Variants in PLAA observed in about 807,000 individuals in gnomAD.
PLAA encodes the protein phospholipase A2 activating protein, also known as phospholipase A-2-activating protein.
Under a neutral mutation model 84.1 loss-of-function variants are expected in PLAA, and 48 were observed. The ratio of observed to expected loss-of-function variants is 0.57; its 90% CI spans 0.45 to 0.73. The LOEUF (loss-of-function observed/expected upper bound fraction) is 0.73. Ranked by LOEUF, PLAA falls within the 30% of genes least tolerant of loss-of-function variation. The pLI, the probability that PLAA is intolerant of heterozygous loss-of-function variation, is 0.00. For synonymous variants in PLAA, 392 were observed against 336.6 expected (o/e 1.16, Z -1.80); for missense variants, 903 against 954.7 (o/e 0.95, Z 0.71).
chr9:26,942,877 C>CACAAA (rs1348896000), intron 1 of PLAA, among the ~76,000 whole-genome samples: 2 of 51,360 alleles, frequency 3.9e-5, no homozygotes, highest in East Asian at 9.5e-4. Context: ...AGACTCGTCT[C>CACAAA]AAAAAAAAAA....
Position 26,905,629 on chromosome 9 carries a change from G to A in PLAA, c.2270C>T (p.Ser757Leu), listed in dbSNP as rs1165140719. 1 of 1,613,908 alleles carries A rather than the reference G, an allele frequency of 6.2e-7. No homozygotes were observed. The highest frequency in any genetic ancestry group is 8.5e-7 in the Non-Finnish European group (1 of 1,179,922). ...VALGTLISDD[S>L]NAVQLAKSLG... ...AGACTTGGCTAATTGTACAGCATTT[G>A]AATCATCACTGATAAGTGTTCCAAG... Residue 757 changes from serine (S) to leucine (L), a missense_variant, in exon 14 of 14, where the codon TCA (serine) becomes TTA (leucine). By Grantham distance (145) the Ser-to-Leu change is moderately radical. Coordinates refer to ENST00000397292, the MANE Select transcript of PLAA (RefSeq NM_001031689.3).
At chr9:26,908,050 AATAT>A in intron 12 of PLAA, 52 bp from the exon 13 acceptor site, 1 of 1,370,002 alleles carries the variant, frequency 7.3e-7, no homozygotes, top group Non-Finnish European at 1.0e-6. Context: ...TTGGCCAGAT[AATAT>A]ATAAATGCCA....
chr9:26,908,470 T>C (rs935938477), intron 12 of PLAA, among the ~76,000 whole-genome samples: 3 of 150,004 alleles, frequency 2.0e-5, no homozygotes, highest in Admixed American at 1.3e-4. Context: ...CTGGCCTTAT[T>C]ATTATTATTT....
intron 1 of PLAA, among the ~76,000 whole-genome samples, chr9:26,937,289 C>A (rs1363463915): frequency 6.6e-6 from 1 of 152,076 alleles, no homozygotes; most frequent in African/African-American, 2.4e-5. Flanking sequence ...CAGGGAAAAG[C>A]ACAGGCTCAG....
At chr9:26,921,126 C>T (rs1166313251) in intron 7 of PLAA, among the ~76,000 whole-genome samples, 1 of 152,156 alleles carries the variant, frequency 6.6e-6, no homozygotes, top group African/African-American at 2.4e-5. Context: ...CCCCTGTCCC[C>T]TCATCTCCCA....
chr9:26,944,593 T>TAA (rs144646777), intron 1 of PLAA, among the ~76,000 whole-genome samples: 1 of 152,096 alleles, frequency 6.6e-6, no homozygotes, highest in Non-Finnish European at 1.5e-5. Flanking sequence ...TGAGCATTTT[T>TAA]AAAAAAATCA....
At chr9:26,921,184 G>A (rs1329878769) in intron 7 of PLAA, among the ~76,000 whole-genome samples, 1 of 152,134 alleles carries the variant, frequency 6.6e-6, no homozygotes, top group Non-Finnish European at 1.5e-5. Context: ...TGCCTATGAT[G>A]CTCTTCACAC....
rs80179581 is a variant in PLAA, at chr9:26,919,832, C to T, written c.1198-303G>A. Among the ~76,000 whole-genome samples, 1,017 of 152,278 alleles carry T rather than the reference C, an allele frequency of 6.7e-3. 16 individuals carry two copies. Among genetic ancestry groups the T allele is most frequent in the East Asian group, 0.056 (291 of 5,188 alleles). On this transcript the variant is annotated intron_variant, in intron 8 of 13. Transcript: ENST00000397292. Reference sequence around the variant, plus strand: ...TTGATATCAAGATCAAAATTATCAGCTGTTACTGTGCCCTACTCACCAAAA... The same window carrying T: ...TTGATATCAAGATCAAAATTATCAGTTGTTACTGTGCCCTACTCACCAAAA...
At position 26,920,235 on chromosome 9, in the gene PLAA, C is replaced by G; in HGVS notation, c.1189G>C (p.Glu397Gln). The stretch of plus-strand genomic sequence containing the variant: ...AGTAGAAGTCGACATACTTTCCCTT[C>G]ATATAAAACTTTTCCAGATGTTTGC... ...NQQTSGKVLY[E>Q]GKEFDYVFSI... Residue 397 changes from glutamate to glutamine, a missense_variant, in exon 8 of 14, where the codon GAA (glutamate) becomes CAA (glutamine). Glu to Gln is a conservative substitution (Grantham distance 29). Transcript: ENST00000397292. 1 of 1,613,476 alleles carries G rather than the reference C, an allele frequency of 6.2e-7. No homozygotes were observed. The highest frequency in any genetic ancestry group is 8.5e-7 in the Non-Finnish European group (1 of 1,179,576).
intron 9 of PLAA, among the ~76,000 whole-genome samples, chr9:26,918,228 C>T (rs929311209): frequency 6.6e-6 from 1 of 151,628 alleles, no homozygotes; most frequent in Non-Finnish European, 1.5e-5. Flanking sequence ...TCTCCTGCCT[C>T]AGTTTTCCAA....
intron 8 of PLAA, among the ~76,000 whole-genome samples, 162 bp from the exon 9 acceptor site, chr9:26,919,691 A>G (rs1429580844): frequency 2.0e-5 from 3 of 152,214 alleles, no homozygotes; most frequent in Admixed American, 6.5e-5. Context: ...AAAGATTAAC[A>G]GCCCCCATCT....
chr9:26,918,439 T>C (rs1302955549), intron 9 of PLAA, among the ~76,000 whole-genome samples: 1 of 152,114 alleles, frequency 6.6e-6, no homozygotes, highest in Non-Finnish European at 1.5e-5. Flanking sequence ...GATAATTCTA[T>C]TTAAATCAAC....
intron 1 of PLAA, among the ~76,000 whole-genome samples, chr9:26,945,526 G>A (rs1018583412): frequency 6.6e-6 from 1 of 152,136 alleles, no homozygotes; most frequent in Admixed American, 6.5e-5. Context: ...CTAGCCTAGT[G>A]GACCATCTTG....
chr9:26,933,661 C>T (rs1408704332), intron 2 of PLAA, among the ~76,000 whole-genome samples: 4 of 151,100 alleles, frequency 2.6e-5, no homozygotes, highest in African/African-American at 7.3e-5. Context: ...TGGTAGCAGG[C>T]GCCTGTAGTC....
chr9:26,921,041 T>TA (rs1824741534), intron 7 of PLAA, among the ~76,000 whole-genome samples: 1 of 152,084 alleles, frequency 6.6e-6, no homozygotes, highest in South Asian at 2.1e-4. Flanking sequence ...GGTAAAAGCC[T>TA]AAACTCTTGA....
chr9:26,914,564 A>C (rs1195240346), intron 10 of PLAA, among the ~76,000 whole-genome samples: 2 of 144,084 alleles, frequency 1.4e-5, no homozygotes, highest in Non-Finnish European at 1.5e-5. Flanking sequence ...GCCAAAGAAA[A>C]TTAAAAAAGC....
intron 2 of PLAA, among the ~76,000 whole-genome samples, chr9:26,934,244 C>A (rs1031388024): frequency 6.6e-6 from 1 of 152,146 alleles, no homozygotes; most frequent in Admixed American, 6.5e-5. Flanking sequence ...TTAAGCCACA[C>A]AGAAATCCAG....
chr9:26,940,177 A>C (rs994867622), intron 1 of PLAA, among the ~76,000 whole-genome samples: 1 of 152,254 alleles, frequency 6.6e-6, no homozygotes, highest in African/African-American at 2.4e-5. Context: ...TGGAAATGAA[A>C]GCAGGATCTT....
rs550397294 is a variant in PLAA at position 26,946,742 on chromosome 9, A to T, written c.149+155T>A. 2.0e-5 allele frequency among the ~76,000 whole-genome samples: 3 copies of T among 152,362 alleles called. No homozygotes were observed. In the South Asian group the frequency reaches 6.2e-4, roughly 32 times the overall value. ...CACTTAAATCCCGATGGTTTCTTAC[A>T]GAGTTCTAATAGTCTGAGAATTGGA... On this transcript the variant is annotated intron_variant, in intron 1 of 13. Coordinates refer to ENST00000397292, the MANE Select transcript of PLAA (RefSeq NM_001031689.3).
Sources: allele counts gnomAD v4.1 joint callset (sites outside exome capture counted in the v4.1 genomes callset), GRCh38; gene constraint gnomAD v4.1.1; transcripts MANE v1.5; gene names NCBI Gene and HGNC (gene_info 2026-07-23, HGNC 2026-07-21).